Variants in SLC12A6 observed in about 807,000 individuals in gnomAD.
The protein encoded by SLC12A6 is K-Cl cotransporter 3.
In SLC12A6, 66 loss-of-function variants were observed where a neutral mutation model predicts 135.3. That is an observed-to-expected ratio of 0.49 (90% confidence interval 0.40 to 0.60). The LOEUF (loss-of-function observed/expected upper bound fraction) is 0.60, where lower values mean the gene tolerates loss of function less well. SLC12A6 is among the 20% of genes least tolerant of loss of function. The pLI is 0.00. For synonymous variants in SLC12A6, 513 were observed against 508.8 expected, an observed-to-expected ratio of 1.01 and a Z score of -0.11; for missense variants, 1,058 against 1,452.3, an observed-to-expected ratio of 0.73 and a Z score of 4.41.
chr15:34,277,527 T>C (rs908766559), intron 2 of SLC12A6, among the ~76,000 whole-genome samples: 3 of 152,194 alleles, frequency 2.0e-5, no homozygotes, highest in Middle Eastern at 3.4e-3. Context: ...AACAGTTCTG[T>C]AGTCACTCTC....
Position 34,251,067 on chromosome 15 carries a change from GA to G in SLC12A6, c.1334-11del, listed in dbSNP as rs1892355574. On this transcript the variant is annotated splice_polypyrimidine_tract_variant and intron_variant, in intron 10 of 25. Transcript: ENST00000354181. ...TTACTCCAAAGATTCTCTGCAGTGG[GA>G]AAAATGGGAATTTAAGCAGCAGCAG... 1.3e-6 allele frequency: 2 copies of G among 1,576,164 alleles called. No individual in the cohort carries two copies. Among genetic ancestry groups the G allele is most frequent in the African/African-American group, 1.4e-5 (1 of 72,858 alleles).
chr15:34,296,406 C>G (rs1895881252), intron 2 of SLC12A6, among the ~76,000 whole-genome samples: 1 of 152,098 alleles, frequency 6.6e-6, no homozygotes, highest in South Asian at 2.1e-4. Context: ...AGATTAGGCT[C>G]AATGGTTCAT....
intron 2 of SLC12A6, among the ~76,000 whole-genome samples, chr15:34,323,046 G>A (rs1345594004): frequency 1.4e-5 from 2 of 143,904 alleles, no homozygotes; most frequent in Non-Finnish European, 3.1e-5. Flanking sequence ...ATAATAAAAT[G>A]TTGAAAAAAT....
At position 34,236,524 on chromosome 15, in the gene SLC12A6, A is replaced by C. The variant is rs181185888; in HGVS notation, c.3042+184T>G. On this transcript the variant is annotated intron_variant, in intron 23 of 25. Transcript: ENST00000354181. ...CATGCCCGGCTAATTTTCGTACTTT[A>C]GTACAGATGGGGTTTCACCATCTTG... Among the ~76,000 whole-genome samples, 477 of 152,046 alleles carry C rather than the reference A, an allele frequency of 3.1e-3. 1 individual carries two copies. Among genetic ancestry groups the C allele is most frequent in the African/African-American group, 0.011 (462 of 41,484 alleles).
At position 34,251,017 on chromosome 15, in the gene SLC12A6, G is replaced by A. The variant is rs372710448; in HGVS notation, c.1374C>T (p.Ile458=). Residue 458 remains isoleucine, a synonymous_variant, in exon 11 of 26, where the codon ATC becomes ATT. Transcript: ENST00000354181. ...WSNYLPKGEI[I]EKPSAKSSDV... is the part of the protein sequence containing the mutation. Reference sequence around the variant, plus strand: ...CAGAAGATTTGGCTGAAGGCTTTTCGATGATCTCTCCCTTGGGTAGGTAAT... The same window carrying A: ...CAGAAGATTTGGCTGAAGGCTTTTCAATGATCTCTCCCTTGGGTAGGTAAT... 7.4e-5 allele frequency: 120 copies of A among 1,611,010 alleles called. No individual in the cohort carries two copies. Among genetic ancestry groups the A allele is most frequent in the African/African-American group, 4.0e-4 (30 of 74,716 alleles).
chr15:34,279,222 G>A (rs938571663), intron 2 of SLC12A6, among the ~76,000 whole-genome samples: 1 of 151,986 alleles, frequency 6.6e-6, no homozygotes, highest in Non-Finnish European at 1.5e-5. Context: ...GGCTGAGGCA[G>A]AGAATTGCTT....
At chr15:34,293,021 C>T (rs892702290) in intron 2 of SLC12A6, among the ~76,000 whole-genome samples, 10 of 152,182 alleles carry the variant, frequency 6.6e-5, no homozygotes, top group African/African-American at 2.4e-4. Flanking sequence ...TGGGCTGCAC[C>T]CACTGTCCAA....
At chr15:34,283,819 G>A (rs1246142594) in intron 2 of SLC12A6, among the ~76,000 whole-genome samples, 1 of 152,036 alleles carries the variant, frequency 6.6e-6, no homozygotes, top group Non-Finnish European at 1.5e-5. Context: ...TGCAATCAGG[G>A]CTTACTACAG....
intron 16 of SLC12A6, 140 bp from the exon 17 acceptor site, chr15:34,242,361 T>C: frequency 1.5e-6 from 1 of 650,502 alleles, no homozygotes; most frequent in Non-Finnish European, 2.6e-6. Flanking sequence ...TTTTGTAAAA[T>C]GCAATAAAAA....
intron 2 of SLC12A6, among the ~76,000 whole-genome samples, chr15:34,302,350 G>A (rs1448565751): frequency 1.3e-5 from 2 of 152,182 alleles, no homozygotes; most frequent in African/African-American, 4.8e-5. Context: ...AACAAAGGAG[G>A]ATGGATCTTG....
intron 2 of SLC12A6, among the ~76,000 whole-genome samples, chr15:34,305,505 C>T (rs1434587992): frequency 1.0e-4 from 15 of 150,220 alleles, no homozygotes; most frequent in South Asian, 2.1e-4. Flanking sequence ...ATGTTTCGGG[C>T]GCCTACTATG....
chr15:34,261,646 T>A (rs764980015), intron 3 of SLC12A6, among the ~76,000 whole-genome samples: 2 of 152,212 alleles, frequency 1.3e-5, no homozygotes, highest in East Asian at 3.8e-4. Flanking sequence ...AAAAAAGATA[T>A]TGAGTATATA....
chr15:34,255,780 G>C (rs1301792166), intron 7 of SLC12A6, among the ~76,000 whole-genome samples: 1 of 151,088 alleles, frequency 6.6e-6, no homozygotes, highest in Non-Finnish European at 1.5e-5. Context: ...AGACCAAACT[G>C]GGTAACATAG....
At chr15:34,320,500 A>G (rs899549395) in intron 2 of SLC12A6, among the ~76,000 whole-genome samples, 10 of 152,068 alleles carry the variant, frequency 6.6e-5, no homozygotes, top group African/African-American at 2.4e-4. Flanking sequence ...GGTAGGGGGG[A>G]AGGAGGATTA....
At chr15:34,327,124 T>C (rs531067424) in intron 2 of SLC12A6, among the ~76,000 whole-genome samples, 2 of 152,124 alleles carry the variant, frequency 1.3e-5, no homozygotes, top group South Asian at 2.1e-4. Context: ...AAAAATTTCA[T>C]CTTAGTACAG....
At chr15:34,270,055 G>A (rs1188599644) in intron 3 of SLC12A6, among the ~76,000 whole-genome samples, 1 of 151,894 alleles carries the variant, frequency 6.6e-6, no homozygotes. Flanking sequence ...AAAACAGGAC[G>A]AATAATTCTT....
intron 2 of SLC12A6, among the ~76,000 whole-genome samples, chr15:34,292,452 A>C (rs970886008): frequency 1.3e-5 from 2 of 152,132 alleles, no homozygotes; most frequent in Admixed American, 1.3e-4. Context: ...GGGTCAGGGA[A>C]CCACTTGAGG....
intron 2 of SLC12A6, among the ~76,000 whole-genome samples, chr15:34,297,221 T>C (rs1895934973): frequency 6.6e-6 from 1 of 152,218 alleles, no homozygotes; most frequent in Admixed American, 6.5e-5. Context: ...GATTAGCTGC[T>C]TTATTGTATC....
chr15:34,306,384 T>C (rs1896615546), intron 2 of SLC12A6, among the ~76,000 whole-genome samples: 1 of 152,200 alleles, frequency 6.6e-6, no homozygotes, highest in African/African-American at 2.4e-5. Context: ...GGCTCTTTCC[T>C]TTTCTCCTTC....
Sources: allele counts gnomAD v4.1 joint callset (sites outside exome capture counted in the v4.1 genomes callset), GRCh38; gene constraint gnomAD v4.1.1; transcripts MANE v1.5; gene names NCBI Gene and HGNC (gene_info 2026-07-23, HGNC 2026-07-21).